Variants in ZNF746 observed in about 807,000 individuals in gnomAD.
ZNF746 encodes parkin-interacting substrate.
In ZNF746, 13 loss-of-function variants were observed where a neutral mutation model predicts 41.0. That is an observed-to-expected ratio of 0.32 (90% CI 0.21 to 0.50). ZNF746 has a LOEUF of 0.50. Among genes scored for constraint, ZNF746 ranks in the 20% least tolerant of loss-of-function variants. The pLI is 0.98. For missense variants in ZNF746, 811 were observed against 922.9 expected, an observed-to-expected ratio of 0.88 and a Z score of 1.57; for synonymous variants, 424 against 396.2, an observed-to-expected ratio of 1.07 and a Z score of -0.83.
At chr7:149,485,424 A>T (rs148562067) in intron 4 of ZNF746, among the ~76,000 whole-genome samples, 5 of 152,364 alleles carry the variant, frequency 3.3e-5, no homozygotes, top group African/African-American at 1.2e-4. Context: ...GAAGAACCAA[A>T]GTGCAGTGAA....
intron 4 of ZNF746, among the ~76,000 whole-genome samples, chr7:149,485,555 GTAC>G (rs1340357769): frequency 1.3e-5 from 2 of 152,176 alleles, no homozygotes; most frequent in Non-Finnish European, 2.9e-5. Context: ...GTGCACTGGT[GTAC>G]TACAACATTG....
intron 4 of ZNF746, among the ~76,000 whole-genome samples, chr7:149,481,617 C>T (rs1470364437): frequency 6.6e-6 from 1 of 152,032 alleles, no homozygotes; most frequent in Non-Finnish European, 1.5e-5. Context: ...AACTCATATA[C>T]ACACACAAAC....
At position 149,475,289 on chromosome 7, in the gene ZNF746, C is replaced by A. The variant is rs1301819161; in HGVS notation, c.1078G>T (p.Gly360Trp). 2.5e-6 allele frequency: 4 copies of A among 1,613,672 alleles called. No homozygotes were observed. The highest frequency in any genetic ancestry group is 3.4e-6 in the Non-Finnish European group (4 of 1,179,848). Residue 360 changes from glycine (G) to tryptophan (W), a missense_variant, in exon 7 of 7, where the codon GGG becomes TGG. Coordinates refer to ENST00000458143, the MANE Select transcript of ZNF746 (RefSeq NM_001394198.1). ...SSFPSQDPVL[G>W]LREPARPERD... Reference sequence around the variant, plus strand: ...TCAGGCCGGGCGGGCTCTCGCAGCCCCAGCACAGGGTCCTGGCTGGGGAAG... The same window carrying A: ...TCAGGCCGGGCGGGCTCTCGCAGCCACAGCACAGGGTCCTGGCTGGGGAAG...
At chr7:149,493,852 A>G in intron 3 of ZNF746, 137 bp downstream of exon 3, 1 of 1,431,240 alleles carries the variant, frequency 7.0e-7, no homozygotes, top group African/African-American at 1.4e-5. Flanking sequence ...CTCATCCTTC[A>G]CAAAAGGTAA....
intron 4 of ZNF746, among the ~76,000 whole-genome samples, chr7:149,479,429 G>A (rs992063808): frequency 6.6e-6 from 1 of 152,146 alleles, no homozygotes; most frequent in African/African-American, 2.4e-5. Flanking sequence ...AACTAGAGGG[G>A]TAGTATATGA....
At chr7:149,482,861 T>C (rs559006300) in intron 4 of ZNF746, among the ~76,000 whole-genome samples, 1 of 152,288 alleles carries the variant, frequency 6.6e-6, no homozygotes, top group African/African-American at 2.4e-5. Context: ...ATCTTTACAG[T>C]AGGGGATTTT....
chr7:149,497,559 C>T lies in ZNF746; in HGVS notation c.-23G>A. The stretch of plus-strand genomic sequence containing the variant: ...CATGGCCCTGCGCTGTCCCGCCCGG[C>T]CCGGAGGAAGTCGTCGTCGCCGCCG... On this transcript the variant is annotated 5_prime_UTR_variant, in exon 1 of 7. Coordinates refer to ENST00000458143, the MANE Select transcript of ZNF746 (RefSeq NM_001394198.1). This position sits in a 1 kb window ranked among gnomAD's most constrained non-coding sequence, Gnocchi z 4.2. The T allele has an allele frequency of 9.4e-7, 1 of 1,061,210 alleles. No individual in the cohort carries two copies. Among genetic ancestry groups the T allele is most frequent in the Non-Finnish European group, 1.1e-6 (1 of 882,276 alleles). The allele number at this position is 1,061,210 out of a possible 1,614,324, so 65.7% of individuals were successfully genotyped here. A position where few individuals can be genotyped will look rare whatever the true frequency, so the allele number is the denominator to read the frequency against.
intron 4 of ZNF746, among the ~76,000 whole-genome samples, chr7:149,484,142 G>C (rs1800557117): frequency 6.6e-6 from 1 of 152,172 alleles, no homozygotes; most frequent in South Asian, 2.1e-4. Flanking sequence ...TGAAGGAATA[G>C]ATAATTCCAA....
rs1268909839 is a variant in ZNF746, at chr7:149,497,191, G to C, written c.24+322C>G. On this transcript the variant is annotated intron_variant, in intron 1 of 6. Transcript: ENST00000458143. The surrounding 1 kb of genome is among the most constrained non-coding windows in gnomAD (Gnocchi z 4.2). ...CGAGCGCCAGGCAGAGAAAGGAGCC[G>C]CGGGTGGGGGGGCACCCAGAAGGAG... 4 of 985,312 alleles carry C rather than the reference G, an allele frequency of 4.1e-6. No individual in the cohort carries two copies. Among genetic ancestry groups the C allele is most frequent in the Non-Finnish European group, 4.8e-6 (4 of 829,862 alleles). The allele number at this position is 985,312 out of a possible 1,614,324, so 61.0% of individuals were successfully genotyped here.
In ZNF746 at chr7:149,474,494, CAGG is replaced by C. The variant is rs751585547; in HGVS notation, c.1870_1872del (p.Pro624del). Reference sequence around the variant, plus strand: ...TTGGAGGCGGGGCTCTTGAAGGGATCAGGAGGTGCGGGCGGCGTCGGGAGTGGC... The same window carrying C: ...TTGGAGGCGGGGCTCTTGAAGGGATCAGGTGCGGGCGGCGTCGGGAGTGGC... On this transcript the variant is annotated inframe_deletion, in exon 7 of 7. Transcript: ENST00000458143. The surrounding 1 kb of genome is among the most constrained non-coding windows in gnomAD (Gnocchi z 6.3). 4.3e-5 allele frequency: 70 copies of C among 1,610,442 alleles called. No homozygotes were observed. The highest frequency in any genetic ancestry group is 1.7e-4 in the Middle Eastern group (1 of 6,054).
chr7:149,481,592 A>T lies in ZNF746; in HGVS notation c.566-3837T>A, dbSNP rs188619736. 5.3e-5 allele frequency among the ~76,000 whole-genome samples: 8 copies of T among 152,374 alleles called. No individual in the cohort carries two copies. The East Asian group carries it at 1.5e-3, about 29-fold the overall frequency. Reference sequence around the variant, plus strand: ...GGATGAAATAAAGATATTTTCACACATATAAACACATATAAACTCATATAC... The same window carrying T: ...GGATGAAATAAAGATATTTTCACACTTATAAACACATATAAACTCATATAC... On this transcript the variant is annotated intron_variant, in intron 4 of 6. Coordinates refer to ENST00000458143, the MANE Select transcript of ZNF746 (RefSeq NM_001394198.1).
At chr7:149,477,084 G>A (rs758876344) in intron 5 of ZNF746, 37 bp from the exon 6 acceptor site, 2 of 1,586,434 alleles carry the variant, frequency 1.3e-6, no homozygotes. Context: ...TGGGTTAGGG[G>A]ACGGACGGGG....
chr7:149,478,478 C>T (rs562844535), intron 4 of ZNF746, among the ~76,000 whole-genome samples: 11 of 152,330 alleles, frequency 7.2e-5, no homozygotes, highest in South Asian at 6.2e-4. Context: ...ACTACCCACA[C>T]GGGCAGACAC....
Position 149,476,926 on chromosome 7 carries a change from C to A in ZNF746, c.879G>T (p.Thr293=), listed in dbSNP as rs61734963. ...GTLKLNTAAS[T]EADVKIVIKT... Reference sequence around the variant, plus strand: ...TCCTCCTCTCGCCACCTGTACCTTCCGTGGAGGCTGCTGTGTTGAGCTTCA... The same window carrying A: ...TCCTCCTCTCGCCACCTGTACCTTCAGTGGAGGCTGCTGTGTTGAGCTTCA... The change falls in exon 6 of 7, where the codon ACG becomes ACT. Residue 293 remains threonine (T), a synonymous_variant. Coordinates refer to ENST00000458143, the MANE Select transcript of ZNF746 (RefSeq NM_001394198.1). 1 of 1,614,018 alleles carries A rather than the reference C, an allele frequency of 6.2e-7. No individual in the cohort carries two copies. The highest frequency in any genetic ancestry group is 1.7e-5 in the Admixed American group (1 of 60,026).
chr7:149,494,184 C>T lies in ZNF746; in HGVS notation c.324+20G>A. On this transcript the variant is annotated intron_variant, in intron 2 of 6. Coordinates refer to ENST00000458143, the MANE Select transcript of ZNF746 (RefSeq NM_001394198.1). This position sits in a 1 kb window ranked among gnomAD's most constrained non-coding sequence, Gnocchi z 5.6. Reference sequence around the variant, plus strand: ...GTTTGGCCGCTTGGGCTCCCACACCCCAAGGCGTCCCAGGGCTACCTTAGG... The same window carrying T: ...GTTTGGCCGCTTGGGCTCCCACACCTCAAGGCGTCCCAGGGCTACCTTAGG... 6.2e-7 allele frequency: 1 copy of T among 1,613,800 alleles called. No individual in the cohort carries two copies. Among genetic ancestry groups the T allele is most frequent in the Non-Finnish European group, 8.5e-7 (1 of 1,179,728 alleles).
Position 149,497,420 on chromosome 7 carries a change from A to T in ZNF746, c.24+93T>A. 1 of 1,025,870 alleles carries T rather than the reference A, an allele frequency of 9.7e-7. No individual in the cohort carries two copies. The highest frequency in any genetic ancestry group is 1.2e-6 in the Non-Finnish European group (1 of 853,724). 63.5% of individuals were successfully genotyped at this position (1,025,870 alleles called of 1,614,324 possible). On this transcript the variant is annotated intron_variant, in intron 1 of 6. Transcript: ENST00000458143. This position sits in a 1 kb window ranked among gnomAD's most constrained non-coding sequence, Gnocchi z 4.2. Reference sequence around the variant, plus strand: ...CCCGGTGGTCCGGCCCGGACCCCGGAACCCCTCCCCAGGGCCTGCGGCGCC... The same window carrying T: ...CCCGGTGGTCCGGCCCGGACCCCGGTACCCCTCCCCAGGGCCTGCGGCGCC...
chr7:149,495,338 C>T (rs191495282), intron 1 of ZNF746, among the ~76,000 whole-genome samples: 5 of 152,340 alleles, frequency 3.3e-5, no homozygotes, highest in Admixed American at 6.5e-5. Context: ...ACATACCCTG[C>T]AGTCTGGTGA....
rs1282700047 is a variant in ZNF746 at position 149,497,234 on chromosome 7, G to C, written c.24+279C>G. 7 of 981,454 alleles carry C rather than the reference G, an allele frequency of 7.1e-6. No individual in the cohort carries two copies. The highest frequency in any genetic ancestry group is 8.5e-6 in the Non-Finnish European group (7 of 826,284). The allele number at this position is 981,454 out of a possible 1,614,324, so 60.8% of individuals were successfully genotyped here. ...AGAAGGAGGGGACAGCGGCTGGGGC[G>C]GGGGCAGGAAGCCCCGGAGGGCCCA... On this transcript the variant is annotated intron_variant, in intron 1 of 6. Coordinates refer to ENST00000458143, the MANE Select transcript of ZNF746 (RefSeq NM_001394198.1). The surrounding 1 kb of genome is among the most constrained non-coding windows in gnomAD (Gnocchi z 4.2).
Position 149,475,129 on chromosome 7 carries a change from G to T in ZNF746, c.1238C>A (p.Pro413His). The change falls in exon 7 of 7, where the codon CCC (proline) becomes CAC (histidine). Residue 413 changes from proline (P) to histidine (H), a missense_variant. Pro to His is a moderately conservative substitution (Grantham distance 77, BLOSUM62 -2). Coordinates refer to ENST00000458143, the MANE Select transcript of ZNF746 (RefSeq NM_001394198.1). Reference sequence around the variant, plus strand: ...CGGGGAGGAGTAAGGAAGCCCCTCGGGCCCCGTCCTCGGGTTCAGGCCCAC... The same window carrying T: ...CGGGGAGGAGTAAGGAAGCCCCTCGTGCCCCGTCCTCGGGTTCAGGCCCAC... ...PPVGLNPRTG[P>H]EGLPYSSPDN... 1.2e-6 allele frequency: 2 copies of T among 1,612,122 alleles called. No individual in the cohort carries two copies. The highest frequency in any genetic ancestry group is 1.7e-6 in the Non-Finnish European group (2 of 1,179,664).
Sources: allele counts gnomAD v4.1 joint callset (sites outside exome capture counted in the v4.1 genomes callset), GRCh38; gene constraint gnomAD v4.1.1; non-coding constraint Gnocchi (gnomAD v3.1); transcripts MANE v1.5; gene names NCBI Gene and HGNC (gene_info 2026-07-23, HGNC 2026-07-21).